Variants in PTPRG observed in about 807,000 individuals in gnomAD.
The protein encoded by PTPRG is receptor-type tyrosine-protein phosphatase gamma.
PTPRG carries 102 observed loss-of-function variants against 165.3 expected under a neutral mutation model. That is an observed-to-expected ratio of 0.62 (90% CI 0.53 to 0.73). The LOEUF (loss-of-function observed/expected upper bound fraction) is 0.73. Among genes scored for constraint, PTPRG ranks in the 30% least tolerant of loss-of-function variants. The pLI is 0.00. For synonymous variants in PTPRG, 675 were observed against 669.5 expected, an observed-to-expected ratio of 1.01 and a Z score of -0.13; for missense variants, 1,866 against 1,861.4, an observed-to-expected ratio of 1.00 and a Z score of -0.05.
chr3:61,841,761 A>G (rs1182191054), intron 2 of PTPRG, among the ~76,000 whole-genome samples: 4 of 152,222 alleles, frequency 2.6e-5, no homozygotes, highest in Non-Finnish European at 5.9e-5. Flanking sequence ...AGATGTGTAA[A>G]TACAGGACGA....
intron 1 of PTPRG, among the ~76,000 whole-genome samples, chr3:61,629,857 GTC>G (rs1701720563): frequency 6.6e-6 from 1 of 152,230 alleles, no homozygotes; most frequent in African/African-American, 2.4e-5. Flanking sequence ...AGTGTAACAT[GTC>G]TTCAGCTTTA....
Position 61,981,876 on chromosome 3 carries a change from C to T in PTPRG, c.191-7749C>T, listed in dbSNP as rs544755010. Among the ~76,000 whole-genome samples, 9 of 152,318 alleles carry T rather than the reference C, an allele frequency of 5.9e-5. 1 individual carries two copies. The highest frequency in any genetic ancestry group is 2.1e-4 in the South Asian group (1 of 4,826). Reference sequence around the variant, plus strand: ...GAAACTGGAATGGAAAGAGCAAATACGTGACATGACTGTCCCCCTAGAAAG... The same window carrying T: ...GAAACTGGAATGGAAAGAGCAAATATGTGACATGACTGTCCCCCTAGAAAG... On this transcript the variant is annotated intron_variant, in intron 2 of 29. Coordinates refer to ENST00000474889, the MANE Select transcript of PTPRG (RefSeq NM_002841.4).
intron 1 of PTPRG, among the ~76,000 whole-genome samples, chr3:61,643,272 A>T (rs1480853583): frequency 1.3e-5 from 2 of 150,442 alleles, no homozygotes; most frequent in African/African-American, 4.9e-5. Context: ...AGAGAGAGAG[A>T]GAGAAAGAGA....
intron 2 of PTPRG, among the ~76,000 whole-genome samples, chr3:61,846,748 C>T (rs904248716): frequency 6.6e-6 from 1 of 152,148 alleles, no homozygotes; most frequent in African/African-American, 2.4e-5. Flanking sequence ...AACCCCGTCT[C>T]TACTAAAAAT....
chr3:62,037,231 G>C lies in PTPRG; in HGVS notation c.519+33734G>C, dbSNP rs75067344. Among the ~76,000 whole-genome samples the C allele has an allele frequency of 4.1e-4, 63 of 152,270 alleles. No individual in the cohort carries two copies. In the East Asian group the frequency reaches 7.1e-3, roughly 17 times the overall value. On this transcript the variant is annotated intron_variant, in intron 4 of 29. Coordinates refer to ENST00000474889, the MANE Select transcript of PTPRG (RefSeq NM_002841.4). ...GTGGCTGGCCCCATAGGTCATATAA[G>C]GATACATTTGCTCATATGGAAACAA...
At chr3:62,244,686 A>G (rs755297399) in intron 15 of PTPRG, among the ~76,000 whole-genome samples, 3 of 152,088 alleles carry the variant, frequency 2.0e-5, no homozygotes, top group Non-Finnish European at 2.9e-5. Flanking sequence ...GATCTGCCCT[A>G]TTCTCCATAA....
intron 2 of PTPRG, among the ~76,000 whole-genome samples, chr3:61,978,983 A>G (rs1373162258): frequency 1.3e-5 from 2 of 152,196 alleles, no homozygotes; most frequent in Non-Finnish European, 2.9e-5. Context: ...CAGTTTCATT[A>G]TCTGTAAAAT....
chr3:61,774,945 C>A (rs899307481), intron 2 of PTPRG, among the ~76,000 whole-genome samples: 3 of 152,218 alleles, frequency 2.0e-5, no homozygotes, highest in African/African-American at 7.2e-5. Flanking sequence ...GTATCCACTT[C>A]AAGTTGCACC....
At chr3:62,130,865 A>G (rs984693105) in intron 5 of PTPRG, among the ~76,000 whole-genome samples, 2 of 152,074 alleles carry the variant, frequency 1.3e-5, no homozygotes, top group African/African-American at 4.8e-5. Context: ...TTCTCAGGCA[A>G]TTTGTAGGCA....
intron 19 of PTPRG, 94 bp from the exon 20 acceptor site, chr3:62,268,941 C>A: frequency 7.5e-7 from 1 of 1,332,020 alleles, no homozygotes; most frequent in Non-Finnish European, 1.0e-6. Flanking sequence ...ATGGCAATCT[C>A]ACCTGTGTTT....
intron 8 of PTPRG, among the ~76,000 whole-genome samples, chr3:62,184,926 T>G (rs1705814509): frequency 6.6e-6 from 1 of 151,688 alleles, no homozygotes; most frequent in Non-Finnish European, 1.5e-5. Context: ...GGAGGAACCT[T>G]GAACTGCAGA....
chr3:62,100,078 A>G (rs9883355), intron 5 of PTPRG, among the ~76,000 whole-genome samples: 2 of 151,872 alleles, frequency 1.3e-5, no homozygotes, highest in Non-Finnish European at 2.9e-5. Flanking sequence ...ATCTTTTAAT[A>G]ATGTAATTTT....
intron 2 of PTPRG, among the ~76,000 whole-genome samples, chr3:61,904,005 G>A (rs1340876105): frequency 6.6e-6 from 1 of 152,174 alleles, no homozygotes; most frequent in East Asian, 1.9e-4. Context: ...GTATTGGCAG[G>A]AAGAGATGCT....
At chr3:61,638,591 GTTTTTTTTTTTTTTTT>G (rs34396141) in intron 1 of PTPRG, among the ~76,000 whole-genome samples, 35 of 58,716 alleles carry the variant, frequency 6.0e-4, no homozygotes, top group Admixed American at 2.5e-3. Flanking sequence ...TGCCTGGCTA[GTTTTTTTTTTTTTTTT>G]TTTTTTTTTT....
intron 1 of PTPRG, among the ~76,000 whole-genome samples, chr3:61,703,167 C>G (rs201865611): frequency 6.6e-6 from 1 of 150,700 alleles, no homozygotes; most frequent in Non-Finnish European, 1.5e-5. Context: ...TTTTTTCCCC[C>G]TGTATGAAAG....
intron 1 of PTPRG, among the ~76,000 whole-genome samples, chr3:61,706,143 T>TTA (rs1216544669): frequency 6.6e-6 from 1 of 152,000 alleles, no homozygotes; most frequent in African/African-American, 2.4e-5. Flanking sequence ...TGCAGTGCCT[T>TTA]AAAGAGAGCT....
intron 28 of PTPRG, 99 bp from the exon 29 acceptor site, chr3:62,292,322 T>TC: frequency 1.5e-6 from 2 of 1,303,226 alleles, no homozygotes; most frequent in South Asian, 2.9e-5. Flanking sequence ...GTCAAAACAG[T>TC]CTACTTAGTT....
chr3:61,910,470 G>A (rs559058104), intron 2 of PTPRG, among the ~76,000 whole-genome samples: 2 of 152,272 alleles, frequency 1.3e-5, no homozygotes, highest in African/African-American at 4.8e-5. Flanking sequence ...CCTTTCTCTT[G>A]TTGCTGGTGA....
At chr3:62,268,915 T>C in intron 19 of PTPRG, 120 bp from the exon 20 acceptor site, 4 of 1,139,120 alleles carry the variant, frequency 3.5e-6, no homozygotes, top group East Asian at 2.7e-5. Flanking sequence ...CACGTATTCC[T>C]TTTTCAGTCA....
Sources: allele counts gnomAD v4.1 joint callset (sites outside exome capture counted in the v4.1 genomes callset), GRCh38; gene constraint gnomAD v4.1.1; transcripts MANE v1.5; gene names NCBI Gene and HGNC (gene_info 2026-07-23, HGNC 2026-07-21).